KCNIP1: variants seen among roughly 807,000 people sequenced by gnomAD.
KCNIP1 encodes the protein A-type potassium channel modulatory protein KCNIP1.
In KCNIP1, 18 loss-of-function variants were observed where a neutral mutation model predicts 33.0. That is an observed-to-expected ratio of 0.55 (90% CI 0.38 to 0.81). The LOEUF (loss-of-function observed/expected upper bound fraction) is 0.81. Ranked by LOEUF, KCNIP1 falls within the 30% of genes least tolerant of loss-of-function variation. The pLI is 0.00. For missense variants in KCNIP1, 238 were observed against 271.6 expected, an observed-to-expected ratio of 0.88 and a Z score of 0.87; for synonymous variants, 93 against 98.3, an observed-to-expected ratio of 0.95 and a Z score of 0.32.
intron 1 of KCNIP1, among the ~76,000 whole-genome samples, chr5:170,386,993 A>G (rs1212062659): frequency 6.6e-6 from 1 of 152,016 alleles, no homozygotes; most frequent in Non-Finnish European, 1.5e-5. Context: ...ACAGCCCCTC[A>G]ATCTATGCCG....
At chr5:170,548,112 C>T (rs1309629415) in intron 1 of KCNIP1, among the ~76,000 whole-genome samples, 1 of 152,178 alleles carries the variant, frequency 6.6e-6, no homozygotes, top group East Asian at 1.9e-4. Context: ...TTGCATTTCT[C>T]ACTTAAAATT....
intron 1 of KCNIP1, among the ~76,000 whole-genome samples, chr5:170,587,596 C>T (rs1214281654): frequency 6.6e-6 from 1 of 152,100 alleles, no homozygotes; most frequent in East Asian, 1.9e-4. Context: ...CTGGAGGCCA[C>T]TCACATTCCT....
At chr5:170,600,202 T>C (rs1285231505) in intron 1 of KCNIP1, among the ~76,000 whole-genome samples, 1 of 152,094 alleles carries the variant, frequency 6.6e-6, no homozygotes, top group African/African-American at 2.4e-5. Context: ...ACGCTACTGT[T>C]CTTAATCCCG....
In KCNIP1 at chr5:170,631,399, A is replaced by AG. The variant is rs201232375; in HGVS notation, c.62-87355dup. Among the ~76,000 whole-genome samples, 1,118 of 152,256 alleles carry AG rather than the reference A, an allele frequency of 7.3e-3. 11 individuals carry two copies. The highest frequency in any genetic ancestry group is 0.026 in the African/African-American group (1,061 of 41,546). On this transcript the variant is annotated intron_variant, in intron 1 of 7. Transcript: ENST00000328939. Reference sequence around the variant, plus strand: ...CACACATGGTACCACTGCCCCAGGAAGGGGCTTCAGGAACCAAGAGCAATT... The same window carrying AG: ...CACACATGGTACCACTGCCCCAGGAAGGGGGCTTCAGGAACCAAGAGCAATT...
At chr5:170,671,317 T>C (rs1282285159) in intron 1 of KCNIP1, among the ~76,000 whole-genome samples, 1 of 152,170 alleles carries the variant, frequency 6.6e-6, no homozygotes, top group East Asian at 1.9e-4. Flanking sequence ...CACTAACCTT[T>C]GGTTCATTCC....
chr5:170,492,183 C>A (rs914259046), intron 1 of KCNIP1, among the ~76,000 whole-genome samples: 1 of 152,186 alleles, frequency 6.6e-6, no homozygotes, highest in Non-Finnish European at 1.5e-5. Flanking sequence ...GTACTTCTGA[C>A]CAACCAGCTA....
intron 1 of KCNIP1, among the ~76,000 whole-genome samples, chr5:170,542,410 A>G (rs1191882394): frequency 6.6e-6 from 1 of 152,190 alleles, no homozygotes; most frequent in Admixed American, 6.5e-5. Context: ...TGCTACAAAG[A>G]TTACATGAGA....
intron 1 of KCNIP1, chr5:170,377,635 C>G (rs1403788545): frequency 2.0e-5 from 3 of 151,682 alleles, no homozygotes. Flanking sequence ...TGCAGTGGCA[C>G]AATCTCGGCT....
intron 1 of KCNIP1, among the ~76,000 whole-genome samples, chr5:170,608,134 C>T (rs1160379800): frequency 6.6e-6 from 1 of 151,208 alleles, no homozygotes; most frequent in Admixed American, 6.6e-5. Context: ...CCTTCTCCAG[C>T]CCCCCATTAT....
At position 170,715,322 on chromosome 5, in the gene KCNIP1, T is replaced by A. The variant is rs562944516; in HGVS notation, c.62-3436T>A. Among the ~76,000 whole-genome samples the A allele has an allele frequency of 3.9e-5, 6 of 152,172 alleles. No individual in the cohort carries two copies. In the South Asian group the frequency reaches 1.2e-3, roughly 32 times the overall value. On this transcript the variant is annotated intron_variant, in intron 1 of 7. Transcript: ENST00000328939. ...TGACAAAACTGCCTAACAACACATTTCTCAGAGCGTATCCCTGTTGTTAAG... is the reference window on the plus strand; with the variant it reads ...TGACAAAACTGCCTAACAACACATTACTCAGAGCGTATCCCTGTTGTTAAG...
intron 1 of KCNIP1, among the ~76,000 whole-genome samples, chr5:170,583,474 G>A (rs1475441624): frequency 1.3e-5 from 2 of 152,214 alleles, no homozygotes; most frequent in Non-Finnish European, 2.9e-5. Flanking sequence ...GATTAGGCAA[G>A]AATGTAAAAG....
chr5:170,470,987 T>C (rs544004458), intron 1 of KCNIP1, among the ~76,000 whole-genome samples: 29 of 152,328 alleles, frequency 1.9e-4, no homozygotes, highest in African/African-American at 6.7e-4. Flanking sequence ...GGGACGTAGG[T>C]TGAGATGTTA....
At chr5:170,430,354 T>G (rs1485674449) in intron 1 of KCNIP1, among the ~76,000 whole-genome samples, 2 of 152,192 alleles carry the variant, frequency 1.3e-5, no homozygotes, top group Non-Finnish European at 1.5e-5. Flanking sequence ...CACTGTCTTC[T>G]CCAATTTTTG....
chr5:170,432,414 A>G (rs1388080638), intron 1 of KCNIP1, among the ~76,000 whole-genome samples: 1 of 152,228 alleles, frequency 6.6e-6, no homozygotes, highest in African/African-American at 2.4e-5. Context: ...ATATTTATTG[A>G]GCAAATCATC....
At chr5:170,590,057 T>C (rs1325532025) in intron 1 of KCNIP1, among the ~76,000 whole-genome samples, 1 of 152,096 alleles carries the variant, frequency 6.6e-6, no homozygotes, top group African/African-American at 2.4e-5. Flanking sequence ...ATAGGAAGTA[T>C]GAGCAGAGTG....
chr5:170,413,487 C>T (rs1755250050), intron 1 of KCNIP1, among the ~76,000 whole-genome samples: 1 of 152,182 alleles, frequency 6.6e-6, no homozygotes, highest in Non-Finnish European at 1.5e-5. Flanking sequence ...AAATATCAAG[C>T]CATCTCTCTC....
chr5:170,543,598 T>C lies in KCNIP1; in HGVS notation c.61+38965T>C, dbSNP rs368179693. ...ATTTTGTTTGACTTTCACAGCACAA[T>C]AAATAAAGAGGGTCATTTGGGGCAA... is the stretch of plus-strand genomic sequence containing the variant. On this transcript the variant is annotated intron_variant, in intron 1 of 7. Transcript: ENST00000328939. Among the ~76,000 whole-genome samples the C allele has an allele frequency of 4.6e-4, 70 of 152,302 alleles. 3 individuals are homozygous for C. Among genetic ancestry groups the C allele is most frequent in the African/African-American group, 1.7e-3 (70 of 41,580 alleles).
At chr5:170,373,113 T>G (rs1763891912) in intron 1 of KCNIP1, among the ~76,000 whole-genome samples, 1 of 152,182 alleles carries the variant, frequency 6.6e-6, no homozygotes, top group Non-Finnish European at 1.5e-5. Context: ...AATGTACTTA[T>G]GTAAGTGGGG....
At chr5:170,715,614 G>T (rs758304774) in intron 1 of KCNIP1, among the ~76,000 whole-genome samples, 18 of 152,126 alleles carry the variant, frequency 1.2e-4, no homozygotes, top group Admixed American at 2.6e-4. Context: ...TATCACATGC[G>T]CAGGGCAATG....
Sources: gnomAD v4.1 joint callset for allele counts (sites outside exome capture counted in the v4.1 genomes callset) on GRCh38, gnomAD v4.1.1 for gene constraint, MANE v1.5 for transcripts, NCBI Gene and HGNC (gene_info 2026-07-23, HGNC 2026-07-21) for gene names.